DNAH12: variants seen among roughly 807,000 people sequenced by gnomAD.
The protein encoded by DNAH12 is axonemal beta dynein heavy chain 12.
In DNAH12, 285 loss-of-function variants were observed where a neutral mutation model predicts 371.5. The ratio of observed to expected loss-of-function variants is 0.77; its 90% CI spans 0.70 to 0.85. The LOEUF is 0.85. DNAH12 is among the 40% of genes least tolerant of loss of function. The pLI, the probability that DNAH12 is intolerant of heterozygous loss-of-function variation, is 0.00. For synonymous variants in DNAH12, 1,200 were observed against 1,213.0 expected (o/e 0.99, Z 0.22); for missense variants, 3,611 against 3,689.4 (o/e 0.98, Z 0.55).
intron 70 of DNAH12, among the ~76,000 whole-genome samples, chr3:57,298,956 G>T (rs985197743): frequency 2.0e-5 from 3 of 152,180 alleles, no homozygotes; most frequent in Non-Finnish European, 4.4e-5. Flanking sequence ...TTTATGGAAT[G>T]AACAGATGAA....
At chr3:57,366,517 C>CA (rs1320545921) in intron 57 of DNAH12, among the ~76,000 whole-genome samples, 12 of 152,088 alleles carry the variant, frequency 7.9e-5, no homozygotes, top group African/African-American at 2.7e-4. Context: ...TGGCAGGTAA[C>CA]CTGAACCCAA....
chr3:57,322,656 G>A (rs955756043), intron 64 of DNAH12, among the ~76,000 whole-genome samples, 173 bp from the exon 65 acceptor site: 46 of 93,676 alleles, frequency 4.9e-4, no homozygotes, highest in Non-Finnish European at 4.8e-5. Flanking sequence ...CTGGCCAGGC[G>A]TGGTGGTGCA....
At chr3:57,315,581 T>C (rs1390339446) in intron 65 of DNAH12, among the ~76,000 whole-genome samples, 1 of 152,072 alleles carries the variant, frequency 6.6e-6, no homozygotes, top group Admixed American at 6.6e-5. Context: ...CATTTGTTTC[T>C]GTCTTTGGAC....
intron 32 of DNAH12, among the ~76,000 whole-genome samples, chr3:57,432,695 A>G (rs1359282552): frequency 6.6e-6 from 1 of 152,200 alleles, no homozygotes; most frequent in Non-Finnish European, 1.5e-5. Context: ...TATTAAGTTC[A>G]AGAGCTGGCA....
At chr3:57,364,611 T>C (rs1195829724) in intron 57 of DNAH12, among the ~76,000 whole-genome samples, 1 of 152,082 alleles carries the variant, frequency 6.6e-6, no homozygotes, top group African/African-American at 2.4e-5. Flanking sequence ...AAAACACAAA[T>C]TGAAAAATGG....
intron 65 of DNAH12, among the ~76,000 whole-genome samples, chr3:57,316,723 T>C (rs533628153): frequency 7.9e-5 from 12 of 152,290 alleles, no homozygotes; most frequent in African/African-American, 2.9e-4. Context: ...TGATAGTGAG[T>C]TCTCACGAGA....
intron 11 of DNAH12, among the ~76,000 whole-genome samples, chr3:57,495,283 G>T (rs1173201617): frequency 1.3e-5 from 2 of 152,102 alleles, no homozygotes; most frequent in East Asian, 3.9e-4. Context: ...CAGGGGCCAG[G>T]CACGGTGGCT....
rs190402768 is a variant in DNAH12, at chr3:57,301,834, A to T, written c.11295T>A (p.Val3765=). ...TGGCCCATATTTCTGGAACCTTTCCAACAAGTAAGCTACCGGAGAGTGCCT... is the reference window on the plus strand; with the variant it reads ...TGGCCCATATTTCTGGAACCTTTCCTACAAGTAAGCTACCGGAGAGTGCCT... The part of the protein sequence containing the change: ...ALEALSGSLL[V]GKVPEIWAKR... The change falls in exon 70 of 74, where the codon GTT becomes GTA. Residue 3765 remains valine (V), a synonymous_variant. Transcript: ENST00000495027. The T allele has an allele frequency of 5.2e-4, 809 of 1,551,704 alleles. No individual in the cohort carries two copies. Among genetic ancestry groups the T allele is most frequent in the Non-Finnish European group, 6.5e-4 (741 of 1,146,996 alleles).
intron 65 of DNAH12, among the ~76,000 whole-genome samples, chr3:57,315,699 G>A (rs2061670247): frequency 6.6e-6 from 1 of 151,940 alleles, no homozygotes; most frequent in African/African-American, 2.4e-5. Context: ...GTAGGGAAAG[G>A]GAGGCAGAGA....
chr3:57,433,867 T>G (rs2065036203), intron 30 of DNAH12, 39 bp from the exon 31 acceptor site: 2 of 1,426,782 alleles, frequency 1.4e-6, no homozygotes, highest in African/African-American at 1.4e-5. Flanking sequence ...TAAGAGTCTT[T>G]AAAGAGTTAA....
intron 59 of DNAH12, among the ~76,000 whole-genome samples, chr3:57,355,958 AAGGT>A (rs1173870408): frequency 1.3e-5 from 2 of 152,168 alleles, no homozygotes. Context: ...AAAAACCCAA[AAGGT>A]AGGTATTATT....
intron 17 of DNAH12, among the ~76,000 whole-genome samples, chr3:57,465,674 A>G (rs2066178603): frequency 6.6e-6 from 1 of 152,182 alleles, no homozygotes; most frequent in Non-Finnish European, 1.5e-5. Flanking sequence ...AGCTATCATA[A>G]GCAAGGTCAA....
At chr3:57,543,592 A>C (rs2069397351) in intron 1 of DNAH12, among the ~76,000 whole-genome samples, 1 of 150,698 alleles carries the variant, frequency 6.6e-6, no homozygotes, top group Non-Finnish European at 1.5e-5. Context: ...AAGTCCTGAG[A>C]TTACAGGCGT....
rs1202438267 is a variant in DNAH12, at chr3:57,472,626, G to C, written c.1696C>G (p.Pro566Ala). Residue 566 changes from proline (P) to alanine (A), a missense_variant, in exon 14 of 74, where the codon CCT (proline) becomes GCT (alanine). Physicochemically the swap from Pro to Ala is conservative, Grantham distance 27 (BLOSUM62 -1). This residue lies in a region of DNAH12 where 1,314 missense variants were observed against 1,398.7 expected (regional missense o/e 0.94). Transcript: ENST00000495027. ...MSYFLDVFLF[P>A]QEDLALNATV... ...GCATTTAAAGCTAAGTCTTCTTGAGGAAATAGGAAAACATCTAAAAAGTAA... is the reference window on the plus strand; with the variant it reads ...GCATTTAAAGCTAAGTCTTCTTGAGCAAATAGGAAAACATCTAAAAAGTAA... 1 of 1,550,934 alleles carries C rather than the reference G, an allele frequency of 6.4e-7. No homozygotes were observed. The highest frequency in any genetic ancestry group is 8.7e-7 in the Non-Finnish European group (1 of 1,146,768).
chr3:57,318,397 C>T (rs144614119), intron 65 of DNAH12, among the ~76,000 whole-genome samples: 289 of 152,184 alleles, frequency 1.9e-3, no homozygotes, highest in South Asian at 9.3e-3. Context: ...TTTCTCAATA[C>T]CAGTTGTTGA....
At chr3:57,520,730 C>T (rs1328341670) in intron 4 of DNAH12, among the ~76,000 whole-genome samples, 1 of 151,948 alleles carries the variant, frequency 6.6e-6, no homozygotes, top group Non-Finnish European at 1.5e-5. Context: ...TGTGAGCACC[C>T]GGCCCGTTTT....
chr3:57,413,749 T>C lies in DNAH12; in HGVS notation c.6017A>G (p.His2006Arg), dbSNP rs1553683729. Residue 2006 changes from histidine (H) to arginine (R), a missense_variant, in exon 39 of 74, where the codon CAT (histidine) becomes CGT (arginine). This residue lies in a region of DNAH12 where 2,266 missense variants were observed against 2,236.9 expected (regional missense o/e 1.01). Coordinates refer to ENST00000495027, the MANE Select transcript of DNAH12 (RefSeq NM_001366028.2). ...ACTTATCGAATTAAATAGTTACCAA[T>C]GTCCACAGTCAAAAAACTGTCGTAA... ...ELLRQFFDCG[H>R]WYDLKDTSKI... 1.7e-5 allele frequency: 27 copies of C among 1,549,872 alleles called. No homozygotes were observed. Among genetic ancestry groups the C allele is most frequent in the African/African-American group, 4.1e-5 (3 of 73,104 alleles).
chr3:57,416,690 T>C (rs961816689), intron 37 of DNAH12, among the ~76,000 whole-genome samples: 8 of 152,282 alleles, frequency 5.3e-5, no homozygotes, highest in South Asian at 2.1e-4. Flanking sequence ...GTTATGTATA[T>C]GTATACTGTT....
At chr3:57,508,141 C>T (rs563006366) in intron 7 of DNAH12, among the ~76,000 whole-genome samples, 2 of 147,366 alleles carry the variant, frequency 1.4e-5, no homozygotes, top group East Asian at 2.0e-4. Context: ...GAGCCAAGAT[C>T]GCACCATTGC....
Sources: allele counts gnomAD v4.1 joint callset (sites outside exome capture counted in the v4.1 genomes callset), GRCh38; gene constraint gnomAD v4.1.1; regional missense constraint gnomAD v4.1.1; transcripts MANE v1.5; gene names NCBI Gene and HGNC (gene_info 2026-07-23, HGNC 2026-07-21).